ZNF277: variants seen among roughly 807,000 people sequenced by gnomAD.
ZNF277 encodes the protein nuclear receptor-interacting factor 4.
ZNF277 carries 55 observed loss-of-function variants against 60.7 expected under a neutral mutation model. That is an observed-to-expected ratio of 0.91 (90% confidence interval 0.73 to 1.13). The LOEUF (loss-of-function observed/expected upper bound fraction) is 1.13, where lower values mean the gene tolerates loss of function less well. Ranked by LOEUF, ZNF277 falls within the 50% of genes most tolerant of loss-of-function variation. The pLI, the probability that ZNF277 is intolerant of heterozygous loss-of-function variation, is 0.00. For missense variants in ZNF277, 510 were observed against 523.0 expected (o/e 0.98, Z 0.24); for synonymous variants, 178 against 179.3 (o/e 0.99, Z 0.06).
chr7:112,321,972 A>G, intron 5 of ZNF277, among the ~76,000 whole-genome samples: 1 of 152,116 alleles, frequency 6.6e-6, no homozygotes, highest in East Asian at 1.9e-4. Context: ...CTTGGTAAGA[A>G]TCAATGAATT....
At chr7:112,336,071 A>G (rs1276124687) in intron 7 of ZNF277, 33 bp from the exon 8 acceptor site, 1 of 1,576,482 alleles carries the variant, frequency 6.3e-7, no homozygotes, top group Non-Finnish European at 8.7e-7. Flanking sequence ...TCTTTCCCCC[A>G]ATGTCTCTCA....
chr7:112,232,014 T>C (rs1419763138), intron 1 of ZNF277, among the ~76,000 whole-genome samples: 1 of 147,010 alleles, frequency 6.8e-6, no homozygotes. Flanking sequence ...GCAACAGTAT[T>C]GGGAACTGCC....
intron 1 of ZNF277, among the ~76,000 whole-genome samples, chr7:112,246,628 G>T (rs545339650): frequency 1.3e-5 from 2 of 152,298 alleles, no homozygotes; most frequent in South Asian, 4.1e-4. Context: ...CATTGCAAAT[G>T]AGGAGGAAGC....
chr7:112,274,510 A>G (rs1307860886), intron 1 of ZNF277, among the ~76,000 whole-genome samples: 2 of 152,198 alleles, frequency 1.3e-5, no homozygotes, highest in Non-Finnish European at 2.9e-5. Context: ...TTCCATAAAA[A>G]CAAAACTATT....
intron 4 of ZNF277, among the ~76,000 whole-genome samples, chr7:112,300,616 A>C (rs1406180632): frequency 6.6e-6 from 1 of 152,194 alleles, no homozygotes; most frequent in Non-Finnish European, 1.5e-5. Context: ...ATATTCATGA[A>C]TTGAGTTCAT....
intron 1 of ZNF277, among the ~76,000 whole-genome samples, chr7:112,218,513 G>C (rs934029411): frequency 1.3e-5 from 2 of 152,026 alleles, no homozygotes; most frequent in African/African-American, 4.8e-5. Context: ...CAGTTTTCAA[G>C]TATACATTAC....
At chr7:112,287,254 A>T in intron 2 of ZNF277, 180 bp downstream of exon 2, 1 of 608,156 alleles carries the variant, frequency 1.6e-6, no homozygotes, top group South Asian at 2.0e-5. Flanking sequence ...ATGCACCTGT[A>T]GTTCCAGCTA....
intron 4 of ZNF277, among the ~76,000 whole-genome samples, chr7:112,307,799 G>A (rs979257131): frequency 6.6e-6 from 1 of 151,812 alleles, no homozygotes; most frequent in Non-Finnish European, 1.5e-5. Context: ...TAGTGGTTAA[G>A]TGCTACTTTT....
intron 1 of ZNF277, among the ~76,000 whole-genome samples, chr7:112,274,822 C>A (rs1290106484): frequency 2.0e-5 from 3 of 152,172 alleles, no homozygotes; most frequent in Admixed American, 2.0e-4. Context: ...TGTGAAATTT[C>A]CATTGGGCAT....
At chr7:112,303,006 T>C (rs1192036002) in intron 4 of ZNF277, among the ~76,000 whole-genome samples, 1 of 150,898 alleles carries the variant, frequency 6.6e-6, no homozygotes, top group East Asian at 1.9e-4. Flanking sequence ...TGGAGTGCTG[T>C]GGCACAATCT....
chr7:112,231,340 A>G (rs1391425918), intron 1 of ZNF277, among the ~76,000 whole-genome samples: 1 of 152,220 alleles, frequency 6.6e-6, no homozygotes, highest in Non-Finnish European at 1.5e-5. Context: ...GAAAGGGGAA[A>G]TGCTGGTTTG....
intron 5 of ZNF277, among the ~76,000 whole-genome samples, chr7:112,319,789 T>C (rs748431265): frequency 1.3e-5 from 2 of 151,486 alleles, no homozygotes; most frequent in Non-Finnish European, 2.9e-5. Context: ...TCAGTTAGCA[T>C]AGAGAAAAAT....
In ZNF277 at chr7:112,330,548, C is replaced by CTT. The variant is rs1171213748; in HGVS notation, c.801+354_801+355dup. ...TTAACTTGGGGCCAGAGACTCCTTT[C>CTT]TTTTTTTTTTTTTTTTTTTTTTTCT... On this transcript the variant is annotated intron_variant, in intron 7 of 11. Coordinates refer to ENST00000361822, the MANE Select transcript of ZNF277 (RefSeq NM_021994.3). The CTT allele has an allele frequency of 5.6e-3, 610 of 108,084 alleles. 9 individuals carry two copies. The highest frequency in any genetic ancestry group is 9.4e-3 in the African/African-American group (259 of 27,574). The allele number at this position is 108,084 out of a possible 1,614,324, so 6.7% of individuals were successfully genotyped here.
At chr7:112,263,722 G>C (rs746017778) in intron 1 of ZNF277, among the ~76,000 whole-genome samples, 3 of 152,210 alleles carry the variant, frequency 2.0e-5, no homozygotes, top group Non-Finnish European at 4.4e-5. Flanking sequence ...TGTCTCAGTT[G>C]TAAGTAGATA....
At chr7:112,315,334 C>T (rs1004982135) in intron 4 of ZNF277, among the ~76,000 whole-genome samples, 3 of 151,944 alleles carry the variant, frequency 2.0e-5, no homozygotes, top group African/African-American at 7.3e-5. Flanking sequence ...AAAGGAAGAA[C>T]GGAAGGTCTA....
chr7:112,305,196 G>A (rs1206366783), intron 4 of ZNF277, among the ~76,000 whole-genome samples: 1 of 152,000 alleles, frequency 6.6e-6, no homozygotes, highest in South Asian at 2.1e-4. Flanking sequence ...GACCAGGCTC[G>A]GTAACAAAGC....
intron 1 of ZNF277, among the ~76,000 whole-genome samples, chr7:112,256,841 T>C (rs756944482): frequency 6.6e-6 from 1 of 151,520 alleles, no homozygotes; most frequent in Non-Finnish European, 1.5e-5. Flanking sequence ...TTGTTAGAAA[T>C]AGACCATATA....
intron 1 of ZNF277, among the ~76,000 whole-genome samples, chr7:112,246,753 G>A (rs919158683): frequency 1.3e-5 from 2 of 152,160 alleles, no homozygotes; most frequent in Admixed American, 6.5e-5. Flanking sequence ...TGTTCTCCTT[G>A]GTACCTTCAG....
intron 1 of ZNF277, among the ~76,000 whole-genome samples, chr7:112,244,829 C>T (rs1791045364): frequency 6.6e-6 from 1 of 151,944 alleles, no homozygotes; most frequent in Admixed American, 6.6e-5. Flanking sequence ...ATGCATTAAA[C>T]AAAATTTTTT....
Sources: gnomAD v4.1 joint callset for allele counts (sites outside exome capture counted in the v4.1 genomes callset) on GRCh38, gnomAD v4.1.1 for gene constraint, MANE v1.5 for transcripts, NCBI Gene and HGNC (gene_info 2026-07-23, HGNC 2026-07-21) for gene names.